FRYL: variants seen among roughly 807,000 people sequenced by gnomAD.
The protein encoded by FRYL is protein furry homolog-like.
In FRYL, 150 loss-of-function variants were observed where a neutral mutation model predicts 351.2. The observed-to-expected ratio is 0.43, with a 90% CI of 0.37 to 0.49. The LOEUF is 0.49. FRYL is among the 20% of genes least tolerant of loss of function. FRYL has a pLI of 0.00. For synonymous variants in FRYL, 1,153 were observed against 1,257.1 expected, an observed-to-expected ratio of 0.92 and a Z score of 1.75; for missense variants, 3,036 against 3,619.3, an observed-to-expected ratio of 0.84 and a Z score of 4.13.
intron 7 of FRYL, 131 bp from the exon 8 acceptor site, chr4:48,609,954 C>G (rs1747720188): frequency 2.2e-6 from 1 of 461,506 alleles, no homozygotes; most frequent in Non-Finnish European, 3.9e-6. Context: ...GTCAATCTTC[C>G]TTTTTTCTGA....
intron 32 of FRYL, among the ~76,000 whole-genome samples, chr4:48,562,639 C>T (rs1433643525): frequency 6.6e-6 from 1 of 152,178 alleles, no homozygotes; most frequent in African/African-American, 2.4e-5. Flanking sequence ...TACCTTCATA[C>T]ACATACACAC....
chr4:48,768,114 G>C (rs1775149229), intron 1 of FRYL, among the ~76,000 whole-genome samples: 2 of 152,184 alleles, frequency 1.3e-5, no homozygotes, highest in African/African-American at 4.8e-5. Flanking sequence ...GTTTCCTAAA[G>C]GAAAGGTGGC....
chr4:48,579,961 A>G (rs556831251), intron 22 of FRYL, among the ~76,000 whole-genome samples: 1 of 152,152 alleles, frequency 6.6e-6, no homozygotes, highest in African/African-American at 2.4e-5. Flanking sequence ...ACATGTATGG[A>G]AACATCAAAT....
At chr4:48,505,792 G>T in intron 59 of FRYL, 177 bp from the exon 60 acceptor site, 1 of 521,480 alleles carries the variant, frequency 1.9e-6, no homozygotes. Flanking sequence ...CAAAAGCAGG[G>T]ATAGCATTAA....
At chr4:48,629,759 C>T (rs1752597364) in intron 4 of FRYL, among the ~76,000 whole-genome samples, 2 of 152,026 alleles carry the variant, frequency 1.3e-5, no homozygotes, top group Admixed American at 1.3e-4. Context: ...GATAACCCAA[C>T]TGATGCTTTA....
chr4:48,705,948 T>C (rs1415715136), intron 2 of FRYL, among the ~76,000 whole-genome samples: 1 of 152,194 alleles, frequency 6.6e-6, no homozygotes, highest in Non-Finnish European at 1.5e-5. Context: ...GCGATTCTCC[T>C]GCCTCAGCCT....
At chr4:48,628,970 T>C (rs1361413146) in intron 4 of FRYL, among the ~76,000 whole-genome samples, 1 of 150,738 alleles carries the variant, frequency 6.6e-6, no homozygotes, top group African/African-American at 2.4e-5. Flanking sequence ...AAACTATTTC[T>C]ACTTTTTATA....
intron 1 of FRYL, among the ~76,000 whole-genome samples, chr4:48,750,199 G>A (rs1412783885): frequency 1.3e-4 from 19 of 150,504 alleles, no homozygotes; most frequent in Non-Finnish European, 2.1e-4. Context: ...AGTGGCTCAC[G>A]CGTATAATAC....
At chr4:48,583,397 C>T (rs1394792638) in intron 19 of FRYL, among the ~76,000 whole-genome samples, 2 of 152,026 alleles carry the variant, frequency 1.3e-5, no homozygotes, top group African/African-American at 2.4e-5. Context: ...ATGATCTGCC[C>T]GCCTCGGCCT....
At position 48,550,229 on chromosome 4, in the gene FRYL, G is replaced by T. The variant is rs111351775; in HGVS notation, c.4633+363C>A. 4.5e-3 allele frequency among the ~76,000 whole-genome samples: 682 copies of T among 152,284 alleles called. 4 individuals are homozygous for T. The highest frequency in any genetic ancestry group is 0.015 in the African/African-American group (632 of 41,536). On this transcript the variant is annotated intron_variant, in intron 38 of 63. Coordinates refer to ENST00000358350, the MANE Select transcript of FRYL (RefSeq NM_015030.2). Reference sequence around the variant, plus strand: ...TTAACGTTATAGTGAAACTTGGGTAGATTATTCACTTTGCAATTGCCAAGG... The same window carrying T: ...TTAACGTTATAGTGAAACTTGGGTATATTATTCACTTTGCAATTGCCAAGG...
Position 48,565,811 on chromosome 4 carries a change from C to T in FRYL, c.3170-120G>A, listed in dbSNP as rs1480594005. 7 of 984,172 alleles carry T rather than the reference C, an allele frequency of 7.1e-6. No homozygotes were observed. The South Asian group carries it at 9.6e-5, about 13-fold the overall frequency. The allele number at this position is 984,172 out of a possible 1,614,324, so 61.0% of individuals were successfully genotyped here. A position where few individuals can be genotyped will look rare whatever the true frequency, so the allele number is the denominator to read the frequency against. On this transcript the variant is annotated intron_variant, in intron 28 of 63. Coordinates refer to ENST00000358350, the MANE Select transcript of FRYL (RefSeq NM_015030.2). ...AGAAAGCAGAAGTTTTCATTTTAAA[C>T]TATCAAAAACCTCCGCGGTAGCAGG...
intron 7 of FRYL, among the ~76,000 whole-genome samples, chr4:48,616,922 G>C (rs1398703738): frequency 2.6e-5 from 4 of 152,126 alleles, no homozygotes; most frequent in Non-Finnish European, 5.9e-5. Flanking sequence ...ATGTTATTCT[G>C]ACAGAAGAAA....
At chr4:48,654,310 A>C (rs868456378) in intron 3 of FRYL, among the ~76,000 whole-genome samples, 86 of 149,600 alleles carry the variant, frequency 5.7e-4, no homozygotes, top group Admixed American at 1.9e-3. Context: ...AAAAAAAAAA[A>C]AAAACAAAAA....
At chr4:48,585,625 TCATGCGC>T (rs1325058347) in intron 19 of FRYL, among the ~76,000 whole-genome samples, 5 of 152,210 alleles carry the variant, frequency 3.3e-5, no homozygotes, top group Non-Finnish European at 4.4e-5. Flanking sequence ...TGGAACGCAG[TCATGCGC>T]ACTCTATTGT....
Position 48,595,629 on chromosome 4 carries a change from A to G in FRYL, c.1209T>C (p.Pro403=), listed in dbSNP as rs1212549868. 6.2e-7 allele frequency: 1 copy of G among 1,612,654 alleles called. No individual in the cohort carries two copies. Among genetic ancestry groups the G allele is most frequent in the Admixed American group, 1.7e-5 (1 of 59,910 alleles). ...GSRSVVPRDT[P]LNIFVKIIQF... ...GAATAATCTTCACAAATATATTGAG[A>G]GGTGTGTCACGAGGAACCACACTTC... The change falls in exon 15 of 64, where the codon CCT becomes CCC. Residue 403 remains proline (P), a synonymous_variant. Transcript: ENST00000358350.
intron 4 of FRYL, among the ~76,000 whole-genome samples, chr4:48,633,153 C>A (rs1753589773): frequency 6.6e-6 from 1 of 152,160 alleles, no homozygotes; most frequent in South Asian, 2.1e-4. Flanking sequence ...TACCCACTTC[C>A]TTCCAGCCCA....
At chr4:48,651,833 C>T (rs1197165673) in intron 3 of FRYL, among the ~76,000 whole-genome samples, 2 of 152,100 alleles carry the variant, frequency 1.3e-5, no homozygotes, top group Non-Finnish European at 2.9e-5. Flanking sequence ...AAGAAGACAC[C>T]CACAGATACT....
intron 3 of FRYL, among the ~76,000 whole-genome samples, chr4:48,672,154 T>G (rs1481461381): frequency 6.6e-6 from 1 of 152,210 alleles, no homozygotes; most frequent in Admixed American, 6.5e-5. Context: ...TTTATAATCT[T>G]GAAAACAATG....
intron 1 of FRYL, among the ~76,000 whole-genome samples, chr4:48,757,436 T>C (rs1214890882): frequency 4.6e-5 from 7 of 152,294 alleles, no homozygotes; most frequent in East Asian, 3.9e-4. Flanking sequence ...AGCATTCCTA[T>C]ACACCAATAA....
Sources: gnomAD v4.1 joint callset for allele counts (sites outside exome capture counted in the v4.1 genomes callset) on GRCh38, gnomAD v4.1.1 for gene constraint, MANE v1.5 for transcripts, NCBI Gene and HGNC (gene_info 2026-07-23, HGNC 2026-07-21) for gene names.